MYRIP: variants seen among roughly 807,000 people sequenced by gnomAD.
MYRIP encodes myosin VIIA and Rab interacting protein.
A neutral mutation model predicts 98.0 loss-of-function variants in MYRIP; 49 were observed. That is an observed-to-expected ratio of 0.50 (90% CI 0.40 to 0.63). MYRIP has a LOEUF of 0.63. Ranked by LOEUF, MYRIP falls within the 30% of genes least tolerant of loss-of-function variation. The probability of loss-of-function intolerance (pLI) is 0.00; values close to 1 mark genes in which losing one functional copy is unlikely to be tolerated. For synonymous variants in MYRIP, 404 were observed against 409.5 expected (o/e 0.99, Z 0.16); for missense variants, 1,004 against 1,058.2 (o/e 0.95, Z 0.71).
intron 3 of MYRIP, among the ~76,000 whole-genome samples, chr3:40,146,870 A>G (rs746336894): frequency 6.6e-6 from 1 of 152,212 alleles, no homozygotes; most frequent in Non-Finnish European, 1.5e-5. Context: ...CTGAAAGAAC[A>G]CTCATCTAAT....
chr3:40,208,260 C>A (rs2693484), intron 10 of MYRIP, among the ~76,000 whole-genome samples: 68,975 of 151,608 alleles, frequency 0.45, 16,558 homozygotes, highest in Non-Finnish European at 0.55. Flanking sequence ...TTATTTAAAA[C>A]ATAAGTAAGT....
At chr3:40,123,427 T>C (rs1330146515) in intron 3 of MYRIP, among the ~76,000 whole-genome samples, 1 of 152,228 alleles carries the variant, frequency 6.6e-6, no homozygotes, top group Admixed American at 6.5e-5. Flanking sequence ...TCAGAGACTG[T>C]GGCTGGAGCA....
chr3:39,928,189 CCT>C (rs1397015695), intron 2 of MYRIP, among the ~76,000 whole-genome samples: 1 of 151,564 alleles, frequency 6.6e-6, no homozygotes, highest in African/African-American at 2.4e-5. Context: ...AAAATTAGCC[CCT>C]GTCCCCAAAA....
intron 4 of MYRIP, among the ~76,000 whole-genome samples, chr3:40,153,340 C>G (rs955704397): frequency 6.6e-6 from 1 of 152,172 alleles, no homozygotes; most frequent in African/African-American, 2.4e-5. Flanking sequence ...AGTTAGACTT[C>G]AAGTATAGAG....
At chr3:39,936,204 C>G in intron 2 of MYRIP, among the ~76,000 whole-genome samples, 1 of 152,132 alleles carries the variant, frequency 6.6e-6, no homozygotes. Flanking sequence ...GAAGAGTATA[C>G]AGAGTGTTGG....
chr3:40,139,795 G>A (rs1264742068), intron 3 of MYRIP, among the ~76,000 whole-genome samples: 3 of 152,096 alleles, frequency 2.0e-5, no homozygotes, highest in African/African-American at 4.8e-5. Flanking sequence ...GCCCAAGCTG[G>A]TCTTGAACTC....
At chr3:39,903,672 A>G (rs190237748) in intron 2 of MYRIP, among the ~76,000 whole-genome samples, 2 of 152,346 alleles carry the variant, frequency 1.3e-5, no homozygotes, top group East Asian at 1.9e-4. Flanking sequence ...TGGGTACTGC[A>G]CAATTTATCT....
intron 1 of MYRIP, among the ~76,000 whole-genome samples, chr3:39,854,954 G>A (rs996217570): frequency 6.6e-6 from 1 of 152,184 alleles, no homozygotes; most frequent in African/African-American, 2.4e-5. Context: ...CTCCAGGCTG[G>A]TGCTGGGGGA....
intron 10 of MYRIP, among the ~76,000 whole-genome samples, chr3:40,200,878 A>G (rs1318575416): frequency 2.0e-5 from 3 of 152,180 alleles, no homozygotes; most frequent in Non-Finnish European, 4.4e-5. Context: ...GTTCTGAATC[A>G]CCACCAAAAT....
intron 2 of MYRIP, among the ~76,000 whole-genome samples, chr3:39,964,517 C>T (rs1945396233): frequency 6.6e-6 from 1 of 152,116 alleles, no homozygotes; most frequent in South Asian, 2.1e-4. Flanking sequence ...TAACACCTAT[C>T]CAAGGTCTTT....
At chr3:39,993,218 C>T (rs1476238720) in intron 2 of MYRIP, among the ~76,000 whole-genome samples, 1 of 152,164 alleles carries the variant, frequency 6.6e-6, no homozygotes, top group African/African-American at 2.4e-5. Flanking sequence ...AAGGAACCCA[C>T]TCCCACAATA....
At chr3:40,138,332 T>C (rs75206419) in intron 3 of MYRIP, among the ~76,000 whole-genome samples, 1 of 152,168 alleles carries the variant, frequency 6.6e-6, no homozygotes, top group Non-Finnish European at 1.5e-5. Context: ...TGTCTAATTC[T>C]TCCTCTAGCC....
chr3:40,178,479 C>T (rs563967131), intron 8 of MYRIP, among the ~76,000 whole-genome samples: 20 of 152,252 alleles, frequency 1.3e-4, no homozygotes, highest in Middle Eastern at 3.4e-3. Flanking sequence ...GGAGGAGCAT[C>T]GAATTGGAAT....
intron 2 of MYRIP, among the ~76,000 whole-genome samples, chr3:39,943,040 A>T (rs550758282): frequency 6.6e-6 from 1 of 152,174 alleles, no homozygotes; most frequent in African/African-American, 2.4e-5. Context: ...AAGTGATCAC[A>T]TGAGCACACT....
At position 39,928,185 on chromosome 3, in the gene MYRIP, A is replaced by T. The variant is rs1944459140; in HGVS notation, c.110+27259A>T. ...TAACTATTAAAGAAATTGAAAAATT[A>T]GCCCCTGTCCCCAAAAATAAATCTC... On this transcript the variant is annotated intron_variant, in intron 2 of 16. Coordinates refer to ENST00000302541, the MANE Select transcript of MYRIP (RefSeq NM_015460.4). Among the ~76,000 whole-genome samples, 3 of 152,010 alleles carry T rather than the reference A, an allele frequency of 2.0e-5. No individual in the cohort carries two copies. In the South Asian group the frequency reaches 6.2e-4, roughly 31 times the overall value.
In MYRIP at chr3:40,157,961, T is replaced by C. The variant is rs376807116; in HGVS notation, c.470-4769T>C. On this transcript the variant is annotated intron_variant, in intron 4 of 16. Coordinates refer to ENST00000302541, the MANE Select transcript of MYRIP (RefSeq NM_015460.4). ...CAAAAAACCAGCTCCTGGATTCATT[T>C]ATTTTTTGAAGGGTTTTTTGTGTCT... Among the ~76,000 whole-genome samples the C allele has an allele frequency of 7.9e-5, 12 of 152,242 alleles. No individual in the cohort carries two copies. The East Asian group carries it at 1.7e-3, about 22-fold the overall frequency.
intron 2 of MYRIP, among the ~76,000 whole-genome samples, chr3:39,964,081 T>C (rs2125736252): frequency 6.6e-6 from 1 of 152,252 alleles, no homozygotes; most frequent in South Asian, 2.1e-4. Context: ...CCTTTCTTAT[T>C]TTAGTGCCTG....
chr3:40,001,628 G>A (rs572742043), intron 2 of MYRIP, among the ~76,000 whole-genome samples: 4 of 152,300 alleles, frequency 2.6e-5, no homozygotes, highest in South Asian at 2.1e-4. Context: ...TGAGTGTTAG[G>A]CACTGGGCCA....
intron 11 of MYRIP, among the ~76,000 whole-genome samples, chr3:40,212,938 TAAAAGGA>T (rs1259279002): frequency 1.3e-5 from 2 of 151,906 alleles, no homozygotes; most frequent in Non-Finnish European, 2.9e-5. Flanking sequence ...AATATATAAA[TAAAAGGA>T]AAAAGAAAAA....
Sources: gnomAD v4.1 joint callset for allele counts (sites outside exome capture counted in the v4.1 genomes callset) on GRCh38, gnomAD v4.1.1 for gene constraint, MANE v1.5 for transcripts, NCBI Gene and HGNC (gene_info 2026-07-23, HGNC 2026-07-21) for gene names.